Variants in DCLK3 observed in about 807,000 individuals in gnomAD.
The protein encoded by DCLK3 is doublecortin like kinase 3.
In DCLK3, 30 loss-of-function variants were observed where a neutral mutation model predicts 46.4. That is an observed-to-expected ratio of 0.65 (90% CI 0.48 to 0.88). DCLK3 has a LOEUF of 0.88. Ranked by LOEUF, DCLK3 falls within the 40% of genes least tolerant of loss-of-function variation. The pLI is 0.00. For missense variants in DCLK3, 846 were observed against 907.1 expected, an observed-to-expected ratio of 0.93 and a Z score of 0.87; for synonymous variants, 401 against 339.2, an observed-to-expected ratio of 1.18 and a Z score of -2.00.
At chr3:36,716,605 C>A in intron 4 of DCLK3, among the ~76,000 whole-genome samples, 1 of 152,266 alleles carries the variant, frequency 6.6e-6, no homozygotes, top group African/African-American at 2.4e-5. Flanking sequence ...CTGTCTAACC[C>A]CTCCAGATGG....
At chr3:36,756,586 C>T (rs760057679) in intron 1 of DCLK3, among the ~76,000 whole-genome samples, 18 of 152,102 alleles carry the variant, frequency 1.2e-4, no homozygotes, top group African/African-American at 1.9e-4. Flanking sequence ...CCTCTGAAAC[C>T]GAAACAACAT....
chr3:36,717,202 A>G (rs1328617389), intron 4 of DCLK3, among the ~76,000 whole-genome samples: 1 of 152,108 alleles, frequency 6.6e-6, no homozygotes, highest in Non-Finnish European at 1.5e-5. Context: ...TGCAGCCTCA[A>G]ACTCCTGGGC....
rs1575138943 is a variant in DCLK3 at position 36,730,776 on chromosome 3, C to T, written c.1959+6432G>A. On this transcript the variant is annotated intron_variant, in intron 2 of 4. Transcript: ENST00000636136. ...CAATGCTGGCACAGTGGCAGGAGTT[C>T]TTTTTTTTTTAATAAGGTGGTTAAG... Among the ~76,000 whole-genome samples the T allele has an allele frequency of 2.0e-5, 3 of 147,842 alleles. No homozygotes were observed. The South Asian group carries it at 6.5e-4, about 32-fold the overall frequency.
chr3:36,761,683 A>T (rs987199100), intron 1 of DCLK3, among the ~76,000 whole-genome samples: 6 of 152,070 alleles, frequency 3.9e-5, no homozygotes, highest in Admixed American at 3.9e-4. Context: ...GGAAAGGAAA[A>T]CGTCTTCAAG....
chr3:36,762,173 A>C (rs1019681939), intron 1 of DCLK3, among the ~76,000 whole-genome samples: 1 of 152,200 alleles, frequency 6.6e-6, no homozygotes, highest in African/African-American at 2.4e-5. Context: ...TTGCCTGGGC[A>C]TGGGGATCCA....
At chr3:36,723,066 T>C (rs562467059) in intron 2 of DCLK3, among the ~76,000 whole-genome samples, 56 of 152,314 alleles carry the variant, frequency 3.7e-4, no homozygotes, top group African/African-American at 1.3e-3. Context: ...GATAGTGATA[T>C]GGACAATAAA....
rs903862840 is a variant in DCLK3, at chr3:36,712,442, G to C, written c.*2886C>G. 6.6e-6 allele frequency: 1 copy of C among 152,168 alleles called. No individual in the cohort carries two copies. Among genetic ancestry groups the C allele is most frequent in the Non-Finnish European group, 1.5e-5 (1 of 68,038 alleles). The allele number at this position is 152,168 out of a possible 1,614,324, so 9.4% of individuals were successfully genotyped here. A position where few individuals can be genotyped will look rare whatever the true frequency, so the allele number is the denominator to read the frequency against. ...CAACTATATTTTTAACAACTTTATT[G>C]AGGTATAATTGACACACAATAAACT... On this transcript the variant is annotated 3_prime_UTR_variant, in exon 5 of 5. Coordinates refer to ENST00000636136, the MANE Select transcript of DCLK3 (RefSeq NM_001394672.2).
In DCLK3 at chr3:36,721,594, C is replaced by T; in HGVS notation, c.2025G>A (p.Val675=). The change falls in exon 3 of 5, where the codon GTG becomes GTA. Residue 675 remains valine, a synonymous_variant. Transcript: ENST00000636136. ...CACACACAGTAAATATAGGTCTCAC[C>T]ACATGCTTTGCAAGTCCAAAATCAG... is the stretch of plus-strand genomic sequence containing the variant. ...KLADFGLAKH[V]VRPIFTVCGT... 4 of 1,614,108 alleles carry T rather than the reference C, an allele frequency of 2.5e-6. No individual in the cohort carries two copies. Among genetic ancestry groups the T allele is most frequent in the Non-Finnish European group, 3.4e-6 (4 of 1,180,016 alleles).
chr3:36,756,952 C>G (rs1003665292), intron 1 of DCLK3, among the ~76,000 whole-genome samples: 1 of 151,446 alleles, frequency 6.6e-6, no homozygotes, highest in Admixed American at 6.6e-5. Context: ...CTCAGAGGCT[C>G]TGCTATGAAA....
At chr3:36,763,646 G>A (rs1482987853) in intron 1 of DCLK3, among the ~76,000 whole-genome samples, 2 of 152,212 alleles carry the variant, frequency 1.3e-5, no homozygotes, top group Non-Finnish European at 2.9e-5. Context: ...CTCCAGCTCC[G>A]CTGCTATGGA....
intron 1 of DCLK3, among the ~76,000 whole-genome samples, chr3:36,750,508 G>A (rs1701431594): frequency 6.6e-6 from 1 of 152,188 alleles, no homozygotes; most frequent in African/African-American, 2.4e-5. Flanking sequence ...GTTAAGACAT[G>A]ATCATTTATA....
intron 1 of DCLK3, among the ~76,000 whole-genome samples, chr3:36,758,478 A>G (rs147849443): frequency 3.9e-4 from 60 of 152,330 alleles, no homozygotes; most frequent in African/African-American, 1.4e-3. Context: ...TGAGTGACTG[A>G]CAAAAGGGCT....
Position 36,715,212 on chromosome 3 carries a change from C to G in DCLK3, c.*116G>C. On this transcript the variant is annotated 3_prime_UTR_variant, in exon 5 of 5. Transcript: ENST00000636136. Reference sequence around the variant, plus strand: ...GCTTTAAAATATACTCAGTGTCTCTCCCTCTGATTCACCAATTATGTGAAG... The same window carrying G: ...GCTTTAAAATATACTCAGTGTCTCTGCCTCTGATTCACCAATTATGTGAAG... 1.7e-6 allele frequency: 2 copies of G among 1,153,800 alleles called. No individual in the cohort carries two copies. Among genetic ancestry groups the G allele is most frequent in the Non-Finnish European group, 1.2e-6 (1 of 833,102 alleles). 71.5% of individuals were successfully genotyped at this position (1,153,800 alleles called of 1,614,324 possible).
At chr3:36,729,604 T>C (rs947455955) in intron 2 of DCLK3, 9 of 152,230 alleles carry the variant, frequency 5.9e-5, no homozygotes, top group African/African-American at 2.2e-4. Context: ...TCTCCTTCAA[T>C]GGTACCTCAA....
intron 1 of DCLK3, among the ~76,000 whole-genome samples, chr3:36,746,274 G>T (rs1701392589): frequency 6.6e-6 from 1 of 152,174 alleles, no homozygotes; most frequent in Non-Finnish European, 1.5e-5. Context: ...GCCAGGCCTT[G>T]TTCTAACCCA....
In DCLK3 at chr3:36,764,268, C is replaced by G. The variant is rs1701565794; in HGVS notation, c.-5G>C. 1 of 246,924 alleles carries G rather than the reference C, an allele frequency of 4.0e-6. No homozygotes were observed. Among genetic ancestry groups the G allele is most frequent in the Non-Finnish European group, 7.7e-6 (1 of 130,524 alleles). 15.3% of individuals were successfully genotyped at this position (246,924 alleles called of 1,614,324 possible). A position where few individuals can be genotyped will look rare whatever the true frequency, so the allele number is the denominator to read the frequency against. ...GGCTGGAGTGGCGGCGGGCATGGCG[C>G]GGCGGCGGGCTCGGGGAGAGCCTGG... On this transcript the variant is annotated 5_prime_UTR_variant, in exon 1 of 5. Transcript: ENST00000636136. The surrounding 1 kb of genome is among the most constrained non-coding windows in gnomAD (Gnocchi z 4.9).
chr3:36,759,386 T>G (rs1296889028), intron 1 of DCLK3, among the ~76,000 whole-genome samples: 1 of 152,238 alleles, frequency 6.6e-6, no homozygotes, highest in Non-Finnish European at 1.5e-5. Context: ...TATCTCTTCC[T>G]GCACTGGTGA....
At chr3:36,745,408 A>C (rs368132029) in intron 1 of DCLK3, among the ~76,000 whole-genome samples, 1 of 152,214 alleles carries the variant, frequency 6.6e-6, no homozygotes, top group African/African-American at 2.4e-5. Flanking sequence ...CAAGTAATAC[A>C]TACTTTCTCT....
chr3:36,764,535 T>A lies in DCLK3; in HGVS notation c.-272A>T, dbSNP rs576734609. Among the ~76,000 whole-genome samples, 4 of 151,988 alleles carry A rather than the reference T, an allele frequency of 2.6e-5. No individual in the cohort carries two copies. The highest frequency in any genetic ancestry group is 2.6e-4 in the Admixed American group (4 of 15,272). ...CGCCCTCTCTGCGCCGGTCCCGCCA[T>A]GCGCGCCGCTCCTGGCCCTGGAGGC... On this transcript the variant is annotated 5_prime_UTR_variant, in exon 1 of 5. An upstream start codon of the reference 5' UTR is lost. Coordinates refer to ENST00000636136, the MANE Select transcript of DCLK3 (RefSeq NM_001394672.2). This position sits in a 1 kb window ranked among gnomAD's most constrained non-coding sequence, Gnocchi z 4.9.
Sources: allele counts gnomAD v4.1 joint callset (sites outside exome capture counted in the v4.1 genomes callset), GRCh38; gene constraint gnomAD v4.1.1; non-coding constraint Gnocchi (gnomAD v3.1); transcripts MANE v1.5; gene names NCBI Gene and HGNC (gene_info 2026-07-23, HGNC 2026-07-21).